RNF103: variants seen among roughly 807,000 people sequenced by gnomAD.
RNF103 encodes the protein ring finger protein 103, also known as E3 ubiquitin-protein ligase RNF103.
A neutral mutation model predicts 66.2 loss-of-function variants in RNF103; 23 were observed. That is an observed-to-expected ratio of 0.35 (90% CI 0.25 to 0.49). The LOEUF is 0.49. Among genes scored for constraint, RNF103 ranks in the 20% least tolerant of loss-of-function variants. The pLI is 0.98. For synonymous variants in RNF103, 297 were observed against 289.9 expected, an observed-to-expected ratio of 1.02 and a Z score of -0.25; for missense variants, 730 against 814.7, an observed-to-expected ratio of 0.90 and a Z score of 1.27.
chr2:86,622,984 C>A lies in RNF103; in HGVS notation c.-98G>T. On this transcript the variant is annotated 5_prime_UTR_variant, in exon 1 of 4. Coordinates refer to ENST00000237455, the MANE Select transcript of RNF103 (RefSeq NM_005667.4). The stretch of plus-strand genomic sequence containing the variant: ...GGCTCGGTGGCAGCTTGGGCGAGGG[C>A]CCCGTGTCCACGCGCGGGCCACCCG... The A allele has an allele frequency of 2.1e-6, 3 of 1,425,912 alleles. No homozygotes were observed. The highest frequency in any genetic ancestry group is 2.5e-4 in the Middle Eastern group (1 of 3,928). 88.3% of individuals were successfully genotyped at this position (1,425,912 alleles called of 1,614,324 possible).
In RNF103 at chr2:86,622,904, C is replaced by G. The variant is rs745757407; in HGVS notation, c.-18G>C. On this transcript the variant is annotated 5_prime_UTR_variant, in exon 1 of 4. Transcript: ENST00000237455. Reference sequence around the variant, plus strand: ...AGCCACATCTTCCCTGGAGTTTCCTCTCTTTCCAGAGAGCTCGGAATACGG... The same window carrying G: ...AGCCACATCTTCCCTGGAGTTTCCTGTCTTTCCAGAGAGCTCGGAATACGG... 9 of 1,570,610 alleles carry G rather than the reference C, an allele frequency of 5.7e-6. No individual in the cohort carries two copies. Among genetic ancestry groups the G allele is most frequent in the Non-Finnish European group, 7.8e-6 (9 of 1,157,748 alleles).
intron 3 of RNF103, among the ~76,000 whole-genome samples, chr2:86,610,868 T>C (rs1678761230): frequency 1.3e-5 from 2 of 152,134 alleles, no homozygotes; most frequent in Non-Finnish European, 1.5e-5. Context: ...CTTTGGTAAA[T>C]GACGAATGGA....
chr2:86,607,053 T>G (rs1456215528), intron 3 of RNF103, among the ~76,000 whole-genome samples: 1 of 152,188 alleles, frequency 6.6e-6, no homozygotes, highest in Non-Finnish European at 1.5e-5. Context: ...GAGTTAATCT[T>G]TTGTTTTTAA....
chr2:86,603,715 G>A lies in RNF103; in HGVS notation c.*128C>T. On this transcript the variant is annotated 3_prime_UTR_variant, in exon 4 of 4. Transcript: ENST00000237455. The stretch of plus-strand genomic sequence containing the variant: ...CAAATAAATTCTGTCATCAACATTA[G>A]CATAATGTGTATTTCCCGTCACTGC... 7.6e-7 allele frequency: 1 copy of A among 1,307,894 alleles called. No homozygotes were observed. The highest frequency in any genetic ancestry group is 1.0e-6 in the Non-Finnish European group (1 of 962,284). 81.0% of individuals were successfully genotyped at this position (1,307,894 alleles called of 1,614,324 possible). A position where few individuals can be genotyped will look rare whatever the true frequency, so the allele number is the denominator to read the frequency against.
chr2:86,607,069 AT>A (rs903120562), intron 3 of RNF103, among the ~76,000 whole-genome samples: 4 of 151,470 alleles, frequency 2.6e-5, no homozygotes, highest in Admixed American at 6.6e-5. Flanking sequence ...TTTAAAAAGT[AT>A]TTTTTTTTCC....
chr2:86,603,899 T>C lies in RNF103; in HGVS notation c.2002A>G (p.Lys668Glu), dbSNP rs144162110. 3.1e-6 allele frequency: 5 copies of C among 1,614,030 alleles called. No individual in the cohort carries two copies. In the African/African-American group the frequency reaches 5.3e-5, roughly 17 times the overall value. ...CCPVCRWPSYKKKQPYAQHQP... is the reference protein window; with the variant it reads ...CCPVCRWPSYEKKQPYAQHQP... The stretch of plus-strand genomic sequence containing the variant: ...TGTTGTGCATATGGCTGCTTTTTTT[T>C]ATAAGAAGGCCACCGGCAAACAGGG... The change falls in exon 4 of 4, where the codon AAA (lysine) becomes GAA (glutamate). Residue 668 changes from lysine to glutamate, a missense_variant. Transcript: ENST00000237455.
chr2:86,610,694 T>G (rs1678755458), intron 3 of RNF103, among the ~76,000 whole-genome samples: 1 of 152,188 alleles, frequency 6.6e-6, no homozygotes, highest in Non-Finnish European at 1.5e-5. Flanking sequence ...ACATTGGGTA[T>G]TTTAAAAGAA....
In RNF103 at chr2:86,604,755, G is replaced by C. The variant is rs375660475; in HGVS notation, c.1146C>G (p.Tyr382Ter). The change falls in exon 4 of 4, where the codon TAC (tyrosine) becomes TAG (stop). Residue 382 changes from tyrosine to a stop codon, truncating the protein, a stop_gained. Transcript: ENST00000237455. LOFTEE classifies it high-confidence loss of function. ...LPVLGFLQLPYLDSFYEYSLK... is the reference protein window; with the variant it reads ...LPVLGFLQLP ...AGCTATATTCATAAAAGCTATCTAAGTAAGGTAGCTGTAAAAAGCCCAACA... is the reference window on the plus strand; with the variant it reads ...AGCTATATTCATAAAAGCTATCTAACTAAGGTAGCTGTAAAAAGCCCAACA... 2 of 1,613,974 alleles carry C rather than the reference G, an allele frequency of 1.2e-6. No homozygotes were observed. Among genetic ancestry groups the C allele is most frequent in the Admixed American group, 1.7e-5 (1 of 60,016 alleles).
At position 86,605,165 on chromosome 2, in the gene RNF103, G is replaced by A; in HGVS notation, c.736C>T (p.Pro246Ser). ...KIYLFANLDQ[P>S]PAFFSALSIK... is the part of the protein sequence containing the mutation. ...CTTAGTGCAGAGAAGAAAGCTGGGG[G>A]CTGGTCAAGGTTTGCAAATAGGTAT... The change falls in exon 4 of 4, where the codon CCC (proline) becomes TCC (serine). Residue 246 changes from proline (P) to serine (S), a missense_variant. Physicochemically the swap from Pro to Ser is moderately conservative, Grantham distance 74 (BLOSUM62 -1). Transcript: ENST00000237455. 6.2e-7 allele frequency: 1 copy of A among 1,613,724 alleles called. No individual in the cohort carries two copies. The highest frequency in any genetic ancestry group is 8.5e-7 in the Non-Finnish European group (1 of 1,180,026).
At chr2:86,606,407 G>A (rs773916405) in intron 3 of RNF103, among the ~76,000 whole-genome samples, 2 of 152,074 alleles carry the variant, frequency 1.3e-5, no homozygotes, top group African/African-American at 2.4e-5. Flanking sequence ...GCTCACACCT[G>A]TAATCCCAGC....
rs1679275622 is a variant in RNF103, at chr2:86,622,648, G to A, written c.226+13C>T. On this transcript the variant is annotated intron_variant, in intron 1 of 3. Coordinates refer to ENST00000237455, the MANE Select transcript of RNF103 (RefSeq NM_005667.4). ...CCAGGTGGAGGGGACCCTAGGGGAA[G>A]CCCGATACTCGCCTGACTTTTCCAC... 4.3e-6 allele frequency: 7 copies of A among 1,613,570 alleles called. No homozygotes were observed. Among genetic ancestry groups the A allele is most frequent in the East Asian group, 2.2e-5 (1 of 44,880 alleles).
In RNF103 at chr2:86,606,413, C is replaced by T. The variant is rs142926671; in HGVS notation, c.483-995G>A. Among the ~76,000 whole-genome samples the T allele has an allele frequency of 4.5e-4, 68 of 151,946 alleles. 2 individuals are homozygous for T. In the East Asian group the frequency reaches 4.8e-3, roughly 11 times the overall value. On this transcript the variant is annotated intron_variant, in intron 3 of 3. Coordinates refer to ENST00000237455, the MANE Select transcript of RNF103 (RefSeq NM_005667.4). ...GGTGCAGTGGCTCACACCTGTAATC[C>T]CAGCACTTTGGGAGGCCAAGGTGGG...
Position 86,603,808 on chromosome 2 carries a change from A to G in RNF103, c.*35T>C, listed in dbSNP as rs767524634. ...TAACATTAAAAAGGCAAGCTGTAAGATACTCAAAGCTTATAAAGGACAAAT... is the reference window on the plus strand; with the variant it reads ...TAACATTAAAAAGGCAAGCTGTAAGGTACTCAAAGCTTATAAAGGACAAAT... On this transcript the variant is annotated 3_prime_UTR_variant, in exon 4 of 4. Transcript: ENST00000237455. The G allele has an allele frequency of 6.4e-7, 1 of 1,563,750 alleles. No homozygotes were observed.
At chr2:86,622,098 C>T (rs1287895884) in intron 1 of RNF103, among the ~76,000 whole-genome samples, 3 of 152,100 alleles carry the variant, frequency 2.0e-5, no homozygotes, top group Admixed American at 2.0e-4. Context: ...ATACAAAATG[C>T]TCGCCTTATT....
intron 3 of RNF103, among the ~76,000 whole-genome samples, chr2:86,608,279 G>GA (rs1476031179): frequency 6.6e-6 from 1 of 152,016 alleles, no homozygotes; most frequent in African/African-American, 2.4e-5. Flanking sequence ...TTGAGGCCAG[G>GA]AGTTTGAGAA....
In RNF103 at chr2:86,604,322, C is replaced by T; in HGVS notation, c.1579G>A (p.Glu527Lys). 1.2e-6 allele frequency: 2 copies of T among 1,614,140 alleles called. No homozygotes were observed. The highest frequency in any genetic ancestry group is 1.7e-6 in the Non-Finnish European group (2 of 1,180,048). ...FKCLGVQSEE[E>K]MSEGSQDTEN... Reference sequence around the variant, plus strand: ...GTATCTTGAGACCCCTCCGACATTTCCTCTTCAGACTGGACTCCAAGACAT... The same window carrying T: ...GTATCTTGAGACCCCTCCGACATTTTCTCTTCAGACTGGACTCCAAGACAT... Residue 527 changes from glutamate (E) to lysine (K), a missense_variant, in exon 4 of 4, where the codon GAA becomes AAA. This residue lies in a region of RNF103 where 355 missense variants were observed against 351.9 expected (regional missense o/e 1.01). Transcript: ENST00000237455.
In RNF103 at chr2:86,605,392, C is replaced by G. The variant is rs1236096430; in HGVS notation, c.509G>C (p.Arg170Pro). ...TGGAACAGACATAATGAGTGTGGATCGGACCCAGCCTCTTCTCCTGCAATA... is the reference window on the plus strand; with the variant it reads ...TGGAACAGACATAATGAGTGTGGATGGGACCCAGCCTCTTCTCCTGCAATA... ...PRYCRRRGWV[R>P]STLIMSVPQT... Residue 170 changes from arginine to proline, a missense_variant, in exon 4 of 4, where the codon CGA (arginine) becomes CCA (proline). Arg to Pro is a moderately radical substitution (Grantham distance 103). Around this residue, in one of 3 missense-constraint regions of RNF103, gnomAD observed 327 missense variants for 369.8 expected, o/e 0.88. Transcript: ENST00000237455. 5 of 1,610,832 alleles carry G rather than the reference C, an allele frequency of 3.1e-6. No homozygotes were observed. Among genetic ancestry groups the G allele is most frequent in the Non-Finnish European group, 3.4e-6 (4 of 1,178,648 alleles).
In RNF103 at chr2:86,605,376, CATA is replaced by C; in HGVS notation, c.522_524del (p.Ile174del). 1 of 1,614,000 alleles carries C rather than the reference CATA, an allele frequency of 6.2e-7. No homozygotes were observed. Among genetic ancestry groups the C allele is most frequent in the Non-Finnish European group, 8.5e-7 (1 of 1,179,918 alleles). On this transcript the variant is annotated inframe_deletion, in exon 4 of 4. Transcript: ENST00000237455. ...TTGAAGTACTTGTTTGTGGAACAGA[CATA>C]ATGAGTGTGGATCGGACCCAGCCTC...
At chr2:86,622,547 C>T in intron 1 of RNF103, 114 bp downstream of exon 1, 1 of 985,514 alleles carries the variant, frequency 1.0e-6, no homozygotes, top group Non-Finnish European at 1.5e-6. Flanking sequence ...GAAACCTGGG[C>T]AGCTTTAACG....
Sources: gnomAD v4.1 joint callset for allele counts (sites outside exome capture counted in the v4.1 genomes callset) on GRCh38, gnomAD v4.1.1 for gene constraint, gnomAD v4.1.1 regional missense constraint, MANE v1.5 for transcripts, NCBI Gene and HGNC (gene_info 2026-07-23, HGNC 2026-07-21) for gene names.